Variants in CDH9 observed in about 807,000 individuals in gnomAD.
CDH9 encodes the protein cadherin 9.
In CDH9, 28 loss-of-function variants were observed where a neutral mutation model predicts 70.9. The observed-to-expected ratio is 0.40, with a 90% CI of 0.29 to 0.54. CDH9 has a LOEUF of 0.54. CDH9 is among the 20% of genes least tolerant of loss of function. The probability of loss-of-function intolerance (pLI) is 0.59; values close to 1 mark genes in which losing one functional copy is unlikely to be tolerated. For synonymous variants in CDH9, 409 were observed against 343.1 expected (o/e 1.19, Z -2.12); for missense variants, 874 against 984.4 (o/e 0.89, Z 1.50).
At chr5:26,891,679 A>AAAAAAAAC (rs1740662383) in intron 7 of CDH9, among the ~76,000 whole-genome samples, 1 of 150,306 alleles carries the variant, frequency 6.7e-6, no homozygotes, top group East Asian at 2.0e-4. Flanking sequence ...CTCCATCTCA[A>AAAAAAAAC]AAACAAACAA....
intron 2 of CDH9, among the ~76,000 whole-genome samples, chr5:26,955,195 T>G (rs931720094): frequency 6.6e-6 from 1 of 152,212 alleles, no homozygotes; most frequent in South Asian, 2.1e-4. Flanking sequence ...CTGAAATGTT[T>G]TATCTCCTCT....
chr5:26,964,117 T>C (rs915943817), intron 2 of CDH9, among the ~76,000 whole-genome samples: 18 of 118,450 alleles, frequency 1.5e-4, no homozygotes, highest in Middle Eastern at 9.6e-3. Context: ...TTTTATACTT[T>C]ATTGTTTTGT....
At chr5:26,915,433 T>TTTATATAATTATGTAATTTTATATAA (rs923514575) in intron 3 of CDH9, among the ~76,000 whole-genome samples, 197 bp downstream of exon 3, 1 of 151,968 alleles carries the variant, frequency 6.6e-6, no homozygotes, top group Admixed American at 6.6e-5. Flanking sequence ...ATAATCATAT[T>TTTATATAATTATGTAATTTTATATAA]TTATATAAAT....
At chr5:26,903,939 T>C in intron 5 of CDH9, 115 bp from the exon 6 acceptor site, 2 of 596,982 alleles carry the variant, frequency 3.4e-6, no homozygotes, top group Non-Finnish European at 5.8e-6. Flanking sequence ...TTTTATCATA[T>C]TGAATTGTAA....
chr5:27,020,130 T>C (rs1049119751), intron 1 of CDH9, among the ~76,000 whole-genome samples: 6 of 151,894 alleles, frequency 4.0e-5, no homozygotes, highest in South Asian at 2.1e-4. Context: ...GCTTATAGTA[T>C]TTAAATATGA....
intron 7 of CDH9, among the ~76,000 whole-genome samples, chr5:26,894,620 C>T (rs1269265946): frequency 1.3e-5 from 2 of 151,962 alleles, no homozygotes; most frequent in Non-Finnish European, 2.9e-5. Flanking sequence ...TATTTAGCAG[C>T]CAAACTTCTA....
At chr5:27,036,447 C>G (rs1478311595) in intron 1 of CDH9, among the ~76,000 whole-genome samples, 1 of 151,894 alleles carries the variant, frequency 6.6e-6, no homozygotes, top group Non-Finnish European at 1.5e-5. Flanking sequence ...TGGTATGAGA[C>G]ATTTTTATTT....
chr5:26,914,682 A>G (rs1741117604), intron 3 of CDH9, among the ~76,000 whole-genome samples: 1 of 152,050 alleles, frequency 6.6e-6, no homozygotes, highest in African/African-American at 2.4e-5. Context: ...TTAAACATTC[A>G]GTAAAGGTGG....
intron 1 of CDH9, among the ~76,000 whole-genome samples, chr5:27,021,500 C>T (rs148460202): frequency 1.3e-3 from 204 of 151,768 alleles, no homozygotes; most frequent in African/African-American, 4.6e-3. Flanking sequence ...GATTTATTTC[C>T]CTACACTTAT....
intron 1 of CDH9, among the ~76,000 whole-genome samples, chr5:27,029,004 C>A (rs1282383389): frequency 6.6e-6 from 1 of 151,846 alleles, no homozygotes; most frequent in Admixed American, 6.6e-5. Context: ...TATTAATTTT[C>A]TCAAGAAGAA....
rs192195089 is a variant in CDH9 at position 26,981,708 on chromosome 5, A to T, written c.228+6398T>A. Among the ~76,000 whole-genome samples, 15 of 152,256 alleles carry T rather than the reference A, an allele frequency of 9.9e-5. No homozygotes were observed. The East Asian group carries it at 2.5e-3, about 26-fold the overall frequency. ...ATAATATGACATGGCTAATACTAAC[A>T]TTTTAACAGTATGCCAAAATGTAGC... On this transcript the variant is annotated intron_variant, in intron 2 of 11. Coordinates refer to ENST00000231021, the MANE Select transcript of CDH9 (RefSeq NM_016279.4).
At chr5:26,895,158 G>C (rs1290349624) in intron 7 of CDH9, among the ~76,000 whole-genome samples, 2 of 151,966 alleles carry the variant, frequency 1.3e-5, no homozygotes, top group South Asian at 4.2e-4. Flanking sequence ...ATTTAGGTAG[G>C]ACATAATTTG....
chr5:27,005,803 G>T (rs1445813424), intron 1 of CDH9, among the ~76,000 whole-genome samples: 1 of 152,068 alleles, frequency 6.6e-6, no homozygotes, highest in Non-Finnish European at 1.5e-5. Flanking sequence ...AAAAAAAATT[G>T]TGGTACATAG....
At chr5:26,989,270 A>G (rs1231877212) in intron 1 of CDH9, among the ~76,000 whole-genome samples, 1 of 152,054 alleles carries the variant, frequency 6.6e-6, no homozygotes, top group African/African-American at 2.4e-5. Flanking sequence ...TTTATTTGTT[A>G]TCAAATTGGT....
chr5:26,906,637 A>C, intron 4 of CDH9, 82 bp downstream of exon 4: 1 of 1,505,496 alleles, frequency 6.6e-7, no homozygotes, highest in South Asian at 1.2e-5. Flanking sequence ...TAATGGTTTT[A>C]AAATATTTTA....
At chr5:26,984,937 G>T (rs1459194974) in intron 2 of CDH9, among the ~76,000 whole-genome samples, 1 of 152,042 alleles carries the variant, frequency 6.6e-6, no homozygotes, top group African/African-American at 2.4e-5. Context: ...TGTCTGAAAT[G>T]CCATAAAAAA....
At chr5:26,900,841 T>C (rs1322883747) in intron 7 of CDH9, among the ~76,000 whole-genome samples, 1 of 152,058 alleles carries the variant, frequency 6.6e-6, no homozygotes, top group Non-Finnish European at 1.5e-5. Context: ...AAACAGACAC[T>C]TGTTGAGCAT....
intron 2 of CDH9, among the ~76,000 whole-genome samples, chr5:26,923,658 G>A (rs866981064): frequency 6.6e-5 from 10 of 151,944 alleles, no homozygotes; most frequent in Non-Finnish European, 1.0e-4. Context: ...TAGATCAGAC[G>A]TTAGGCCACA....
chr5:26,919,381 T>C (rs187859776), intron 2 of CDH9, among the ~76,000 whole-genome samples: 83 of 152,304 alleles, frequency 5.4e-4, no homozygotes, highest in African/African-American at 1.9e-3. Flanking sequence ...AGACTAACCC[T>C]GGCCAGAGAG....
Sources: gnomAD v4.1 joint callset for allele counts (sites outside exome capture counted in the v4.1 genomes callset) on GRCh38, gnomAD v4.1.1 for gene constraint, MANE v1.5 for transcripts, NCBI Gene and HGNC (gene_info 2026-07-23, HGNC 2026-07-21) for gene names.